DMXL1: variants seen among roughly 807,000 people sequenced by gnomAD.
DMXL1 encodes Dmx like 1.
DMXL1 carries 99 observed loss-of-function variants against 319.2 expected under a neutral mutation model. The ratio of observed to expected loss-of-function variants is 0.31; its 90% CI spans 0.26 to 0.37. The LOEUF is 0.37. Ranked by LOEUF, DMXL1 falls within the 10% of genes least tolerant of loss-of-function variation. The pLI, the probability that DMXL1 is intolerant of heterozygous loss-of-function variation, is 1.00. For missense variants in DMXL1, 3,745 were observed against 3,595.6 expected (o/e 1.04, Z -1.06); for synonymous variants, 1,385 against 1,235.2 (o/e 1.12, Z -2.54).
Position 119,189,610 on chromosome 5 carries a change from G to T in DMXL1, c.7136-98G>T. On this transcript the variant is annotated intron_variant, in intron 28 of 43. Transcript: ENST00000539542. ...TAATCTCAATCTTATTTTTTTGTGT[G>T]TGCTTATTTGTAGTTAACCTTAGCT... The T allele has an allele frequency of 5.7e-6, 6 of 1,059,784 alleles. No homozygotes were observed. In the Admixed American group the frequency reaches 7.2e-5, roughly 13 times the overall value. The allele number at this position is 1,059,784 out of a possible 1,614,324, so 65.6% of individuals were successfully genotyped here.
intron 2 of DMXL1, among the ~76,000 whole-genome samples, chr5:119,099,304 G>A (rs1462131152): frequency 2.0e-5 from 3 of 151,896 alleles, no homozygotes; most frequent in Non-Finnish European, 4.4e-5. Flanking sequence ...TCTGGCTTCC[G>A]GGTTCAAGCA....
rs1396322646 is a variant in DMXL1 at position 119,149,669 on chromosome 5, C to T, written c.3842C>T (p.Thr1281Ile). 1.9e-6 allele frequency: 3 copies of T among 1,613,848 alleles called. No individual in the cohort carries two copies. Among genetic ancestry groups the T allele is most frequent in the African/African-American group, 1.3e-5 (1 of 74,916 alleles). Residue 1281 changes from threonine (T) to isoleucine (I), a missense_variant, in exon 18 of 44, where the codon ACT becomes ATT. Around this residue, in one of 4 missense-constraint regions of DMXL1, gnomAD observed 2,096 missense variants for 1,985.4 expected, o/e 1.06. Transcript: ENST00000539542. ...SSSGLHPPKK[T>I]LTRSMTSLAQ... The stretch of plus-strand genomic sequence containing the variant: ...TCTGGGTTACATCCTCCAAAGAAAA[C>T]TCTGACTCGATCCATGACCAGTCTT...
At chr5:119,164,007 T>A (rs7713483) in intron 19 of DMXL1, among the ~76,000 whole-genome samples, 1 of 152,034 alleles carries the variant, frequency 6.6e-6, no homozygotes, top group South Asian at 2.1e-4. Context: ...CACCGCACCC[T>A]GCTAGAGCTG....
chr5:119,081,628 G>A (rs1036571426), intron 1 of DMXL1: 5 of 984,978 alleles, frequency 5.1e-6, no homozygotes, highest in Admixed American at 6.2e-5. Flanking sequence ...AGAAGTTAAT[G>A]TGAAGAAGAT....
chr5:119,152,820 T>G (rs964740382), intron 19 of DMXL1, among the ~76,000 whole-genome samples: 1 of 152,226 alleles, frequency 6.6e-6, no homozygotes, highest in Non-Finnish European at 1.5e-5. Flanking sequence ...ATTGGGACTT[T>G]GCAGTTTAGC....
intron 1 of DMXL1, among the ~76,000 whole-genome samples, chr5:119,080,782 A>G (rs553729124): frequency 4.6e-5 from 7 of 152,266 alleles, no homozygotes; most frequent in African/African-American, 1.7e-4. Context: ...CTAGTCTCTC[A>G]TCACTTTTCC....
At chr5:119,177,586 A>C in intron 27 of DMXL1, 102 bp downstream of exon 27, 1 of 1,006,184 alleles carries the variant, frequency 9.9e-7, no homozygotes, top group Non-Finnish European at 1.4e-6. Context: ...ATTGTTAAAT[A>C]CTGTTAGAAT....
At chr5:119,077,111 C>T (rs1392137106) in intron 1 of DMXL1, among the ~76,000 whole-genome samples, 1 of 151,910 alleles carries the variant, frequency 6.6e-6, no homozygotes, top group Non-Finnish European at 1.5e-5. Flanking sequence ...CCATCTTGGC[C>T]TCCCAAAGTG....
At chr5:119,143,241 G>C (rs914048024) in intron 13 of DMXL1, among the ~76,000 whole-genome samples, 2 of 151,980 alleles carry the variant, frequency 1.3e-5, no homozygotes, top group East Asian at 3.9e-4. Context: ...AAGATTGAAT[G>C]CTGGAATGCT....
Position 119,170,809 on chromosome 5 carries a change from A to T in DMXL1, c.6018A>T (p.Glu2006Asp). 6.2e-7 allele frequency: 1 copy of T among 1,611,826 alleles called. No homozygotes were observed. Among genetic ancestry groups the T allele is most frequent in the African/African-American group, 1.3e-5 (1 of 74,222 alleles). The change falls in exon 24 of 44, where the codon GAA becomes GAT. Residue 2006 changes from glutamate (E) to aspartate (D), a missense_variant. Glu to Asp is a conservative substitution (Grantham distance 45). This residue lies in a region of DMXL1 where 1,382 missense variants were observed against 1,269.5 expected (regional missense o/e 1.09). Coordinates refer to ENST00000539542, the MANE Select transcript of DMXL1 (RefSeq NM_001290321.3). The part of the protein sequence containing the change: ...KLDDISSNYT[E>D]SFSTLDENDL... ...ATGACATAAGTTCTAACTACACAGA[A>T]TCTTTCAGCACACTAGATGAAAATG...
intron 28 of DMXL1, among the ~76,000 whole-genome samples, chr5:119,187,029 C>T (rs1581216168): frequency 6.6e-6 from 1 of 151,736 alleles, no homozygotes; most frequent in East Asian, 1.9e-4. Context: ...ACTTATGTAA[C>T]AAACCTGCAC....
chr5:119,076,237 A>C (rs1173096592), intron 1 of DMXL1, among the ~76,000 whole-genome samples: 1 of 152,244 alleles, frequency 6.6e-6, no homozygotes, highest in African/African-American at 2.4e-5. Context: ...AGAAATCAAA[A>C]GACTGTAATT....
chr5:119,128,987 C>T (rs908772707), intron 9 of DMXL1, among the ~76,000 whole-genome samples: 37 of 151,958 alleles, frequency 2.4e-4, no homozygotes, highest in Non-Finnish European at 4.3e-4. Flanking sequence ...TGGCTTGAAC[C>T]AGGGAGTTTG....
intron 34 of DMXL1, among the ~76,000 whole-genome samples, chr5:119,211,096 C>T (rs1782733088): frequency 6.6e-6 from 1 of 150,790 alleles, no homozygotes; most frequent in Non-Finnish European, 1.5e-5. Context: ...AATGTTAAAC[C>T]AATCTAGCAT....
At chr5:119,166,484 C>G (rs1773470100) in intron 21 of DMXL1, 132 bp from the exon 22 acceptor site, 2 of 666,492 alleles carry the variant, frequency 3.0e-6, no homozygotes. Context: ...GGAAAAGAAG[C>G]AGATACATAG....
chr5:119,166,592 C>A, intron 21 of DMXL1, 24 bp from the exon 22 acceptor site: 1 of 1,571,958 alleles, frequency 6.4e-7, no homozygotes, highest in Non-Finnish European at 8.6e-7. Context: ...CCAAAATTTT[C>A]ACACCATTTT....
At chr5:119,220,416 A>C in intron 35 of DMXL1, 56 bp from the exon 36 acceptor site, 2 of 1,557,180 alleles carry the variant, frequency 1.3e-6, no homozygotes, top group South Asian at 2.3e-5. Flanking sequence ...AAAGCAGCTC[A>C]TATACTATCT....
At position 119,248,399 on chromosome 5, in the gene DMXL1, C is replaced by G. The variant is rs1046943477; in HGVS notation, c.*1180C>G. 2.0e-5 allele frequency: 3 copies of G among 152,408 alleles called. No homozygotes were observed. Among genetic ancestry groups the G allele is most frequent in the Non-Finnish European group, 4.4e-5 (3 of 67,926 alleles). 9.4% of individuals were successfully genotyped at this position (152,408 alleles called of 1,614,324 possible). ...GCACAATGCTTTTAACTTAAATGTG[C>G]TAACCCTGTTTCTGTCTGTTTTGTG... is the stretch of plus-strand genomic sequence containing the variant. On this transcript the variant is annotated 3_prime_UTR_variant, in exon 44 of 44. Coordinates refer to ENST00000539542, the MANE Select transcript of DMXL1 (RefSeq NM_001290321.3).
chr5:119,113,328 A>C (rs1020913176), intron 5 of DMXL1, among the ~76,000 whole-genome samples: 1 of 151,760 alleles, frequency 6.6e-6, no homozygotes, highest in Non-Finnish European at 1.5e-5. Flanking sequence ...TGCAACCTCT[A>C]CCTCCTGGGT....
Sources: gnomAD v4.1 joint callset for allele counts (sites outside exome capture counted in the v4.1 genomes callset) on GRCh38, gnomAD v4.1.1 for gene constraint, gnomAD v4.1.1 regional missense constraint, MANE v1.5 for transcripts, NCBI Gene and HGNC (gene_info 2026-07-23, HGNC 2026-07-21) for gene names.